Variants in PDE4D observed in about 807,000 individuals in gnomAD.
PDE4D encodes phosphodiesterase 4D, also known as 3',5'-cyclic-AMP phosphodiesterase 4D.
PDE4D carries 24 observed loss-of-function variants against 87.4 expected under a neutral mutation model. The ratio of observed to expected loss-of-function variants is 0.27; its 90% confidence interval spans 0.20 to 0.39. The LOEUF (loss-of-function observed/expected upper bound fraction) is 0.39. Among genes scored for constraint, PDE4D ranks in the 10% least tolerant of loss-of-function variants. The pLI is 1.00. For synonymous variants in PDE4D, 384 were observed against 383.2 expected (o/e 1.00, Z -0.02); for missense variants, 714 against 1,041.0 (o/e 0.69, Z 4.32).
At chr5:59,866,360 T>C (rs899950265) in intron 1 of PDE4D, among the ~76,000 whole-genome samples, 2 of 152,200 alleles carry the variant, frequency 1.3e-5, no homozygotes, top group African/African-American at 4.8e-5. Flanking sequence ...AATAATGGTG[T>C]TTCCATCACT....
chr5:60,458,063 G>A (rs544170964), intron 1 of PDE4D, among the ~76,000 whole-genome samples: 3 of 152,204 alleles, frequency 2.0e-5, no homozygotes, highest in East Asian at 3.9e-4. Context: ...CACTTTTCTA[G>A]TGTTCTCCCT....
intron 1 of PDE4D, among the ~76,000 whole-genome samples, chr5:59,405,521 C>A (rs1202104065): frequency 1.3e-5 from 2 of 152,184 alleles, no homozygotes; most frequent in Admixed American, 6.5e-5. Flanking sequence ...CATCTGCAAA[C>A]AAGAATAACT....
At chr5:59,745,396 T>C (rs928767962) in intron 1 of PDE4D, among the ~76,000 whole-genome samples, 1 of 152,180 alleles carries the variant, frequency 6.6e-6, no homozygotes, top group African/African-American at 2.4e-5. Context: ...ATGCCTCTTT[T>C]AAATGGGCCA....
intron 1 of PDE4D, among the ~76,000 whole-genome samples, chr5:59,773,711 G>T (rs899143969): frequency 6.6e-6 from 1 of 151,880 alleles, no homozygotes; most frequent in African/African-American, 2.4e-5. Flanking sequence ...TTTTCATCAT[G>T]ATTATTTTTC....
At chr5:59,727,692 T>C (rs1231511282) in intron 1 of PDE4D, among the ~76,000 whole-genome samples, 1 of 152,088 alleles carries the variant, frequency 6.6e-6, no homozygotes, top group African/African-American at 2.4e-5. Context: ...GGTAAGGTGC[T>C]GGTGGGCAGG....
intron 3 of PDE4D, among the ~76,000 whole-genome samples, chr5:59,927,811 GA>G (rs1338013428): frequency 6.6e-6 from 1 of 152,144 alleles, no homozygotes; most frequent in Non-Finnish European, 1.5e-5. Flanking sequence ...CACTTATACT[GA>G]AACAAAGCTG....
At chr5:59,093,681 ATT>A (rs1769156458) in intron 5 of PDE4D, among the ~76,000 whole-genome samples, 1 of 152,156 alleles carries the variant, frequency 6.6e-6, no homozygotes, top group Non-Finnish European at 1.5e-5. Context: ...TCTTGCCATC[ATT>A]GTCATTGTTG....
chr5:60,144,456 G>A (rs1430936843), intron 2 of PDE4D, among the ~76,000 whole-genome samples: 2 of 152,194 alleles, frequency 1.3e-5, no homozygotes, highest in Admixed American at 6.5e-5. Flanking sequence ...GAGGGAATTG[G>A]ACAAGGTAGC....
intron 1 of PDE4D, among the ~76,000 whole-genome samples, chr5:60,404,924 G>T (rs1741412206): frequency 6.6e-6 from 1 of 152,212 alleles, no homozygotes; most frequent in African/African-American, 2.4e-5. Context: ...AAAGTAGAGA[G>T]ATTGTGGAAC....
chr5:59,481,668 C>G (rs1506557), intron 1 of PDE4D, among the ~76,000 whole-genome samples: 15,011 of 152,038 alleles, frequency 0.099, 2,344 homozygotes, highest in African/African-American at 0.32. Context: ...CAACATGAAG[C>G]CTTCATGATT....
intron 1 of PDE4D, among the ~76,000 whole-genome samples, chr5:59,589,318 G>A (rs777301015): frequency 6.6e-6 from 1 of 152,128 alleles, no homozygotes; most frequent in Non-Finnish European, 1.5e-5. Context: ...ACAGAATTAT[G>A]CTGAGGAGAT....
chr5:59,970,121 G>A (rs955568854), intron 3 of PDE4D, among the ~76,000 whole-genome samples: 1 of 152,120 alleles, frequency 6.6e-6, no homozygotes, highest in African/African-American at 2.4e-5. Flanking sequence ...CTAGGTGTGA[G>A]GGAGAGTTAG....
intron 1 of PDE4D, among the ~76,000 whole-genome samples, chr5:60,216,558 G>C (rs992311776): frequency 3.3e-5 from 5 of 151,986 alleles, no homozygotes; most frequent in Non-Finnish European, 7.4e-5. Context: ...ACTCACTTTA[G>C]ATCCAAAGAC....
intron 1 of PDE4D, among the ~76,000 whole-genome samples, chr5:59,337,787 G>A (rs1405775839): frequency 2.6e-5 from 4 of 152,074 alleles, no homozygotes; most frequent in African/African-American, 4.8e-5. Context: ...ACAATGTCAC[G>A]TTGTTTTTGC....
At chr5:59,227,953 T>G (rs1754206176) in intron 1 of PDE4D, among the ~76,000 whole-genome samples, 1 of 152,154 alleles carries the variant, frequency 6.6e-6, no homozygotes, top group African/African-American at 2.4e-5. Context: ...CGTGCATGCA[T>G]GTGTTAATTA....
intron 1 of PDE4D, among the ~76,000 whole-genome samples, chr5:59,422,958 T>C (rs1431695995): frequency 6.6e-6 from 1 of 152,326 alleles, no homozygotes; most frequent in Non-Finnish European, 1.5e-5. Context: ...CAATGATAAA[T>C]AAGACACAAA....
intron 5 of PDE4D, among the ~76,000 whole-genome samples, chr5:59,064,533 A>G (rs1399946354): frequency 2.0e-5 from 3 of 152,154 alleles, no homozygotes; most frequent in Non-Finnish European, 2.9e-5. Context: ...CCAGTGATTT[A>G]TCATAATAAA....
chr5:59,066,252 A>G (rs185948445), intron 5 of PDE4D, among the ~76,000 whole-genome samples: 2 of 152,146 alleles, frequency 1.3e-5, no homozygotes, highest in Non-Finnish European at 2.9e-5. Context: ...TAAGGGCTCC[A>G]AAAGCACATG....
chr5:59,882,593 A>G (rs1749581853), intron 1 of PDE4D, among the ~76,000 whole-genome samples: 1 of 152,158 alleles, frequency 6.6e-6, no homozygotes. Context: ...AACTTCTAAC[A>G]TTTAACTGGC....
Sources: allele counts gnomAD v4.1 joint callset (sites outside exome capture counted in the v4.1 genomes callset), GRCh38; gene constraint gnomAD v4.1.1; transcripts MANE v1.5; gene names NCBI Gene and HGNC (gene_info 2026-07-23, HGNC 2026-07-21).